The following ACOXL variants were observed in gnomAD, a reference collection of about 807,000 sequenced individuals.
The protein encoded by ACOXL is acyl-CoA oxidase like.
In ACOXL, 70 loss-of-function variants were observed where a neutral mutation model predicts 71.9. The ratio of observed to expected loss-of-function variants is 0.97; its 90% CI spans 0.80 to 1.19. ACOXL has a LOEUF of 1.19. ACOXL is among the 50% of genes most tolerant of loss of function. The pLI is 0.00. For missense variants in ACOXL, 703 were observed against 736.3 expected (o/e 0.95, Z 0.52); for synonymous variants, 253 against 281.6 (o/e 0.90, Z 1.02).
intron 16 of ACOXL, among the ~76,000 whole-genome samples, chr2:111,055,905 C>T (rs903010753): frequency 6.6e-6 from 1 of 152,162 alleles, no homozygotes; most frequent in Admixed American, 6.5e-5. Flanking sequence ...TTTCCCTCCA[C>T]CTTCTCTTAT....
chr2:110,931,467 A>G (rs2060476392), intron 11 of ACOXL, among the ~76,000 whole-genome samples: 1 of 152,182 alleles, frequency 6.6e-6, no homozygotes, highest in Admixed American at 6.5e-5. Context: ...AGCCCGGAGC[A>G]TGGGTGATGA....
At chr2:110,867,559 G>A (rs891923883) in intron 10 of ACOXL, among the ~76,000 whole-genome samples, 1 of 152,114 alleles carries the variant, frequency 6.6e-6, no homozygotes, top group South Asian at 2.1e-4. Flanking sequence ...TTTCTTGCAT[G>A]ATGAATAATC....
At chr2:110,956,153 C>G (rs772955070) in intron 12 of ACOXL, among the ~76,000 whole-genome samples, 1 of 151,976 alleles carries the variant, frequency 6.6e-6, no homozygotes, top group Non-Finnish European at 1.5e-5. Flanking sequence ...GTCTTGAACT[C>G]CTGACCTCGT....
chr2:110,772,682 A>G (rs949504525), intron 2 of ACOXL, among the ~76,000 whole-genome samples: 21 of 152,240 alleles, frequency 1.4e-4, no homozygotes, highest in Non-Finnish European at 1.6e-4. Flanking sequence ...CATGATCCAC[A>G]CGAGTGAGGG....
At chr2:110,980,351 C>T (rs534624148) in intron 12 of ACOXL, among the ~76,000 whole-genome samples, 3 of 152,206 alleles carry the variant, frequency 2.0e-5, no homozygotes, top group Admixed American at 2.0e-4. Flanking sequence ...CATGAAGTAG[C>T]CTGGGCAAGT....
chr2:110,993,373 A>T (rs1019544499), intron 13 of ACOXL, among the ~76,000 whole-genome samples: 3 of 152,238 alleles, frequency 2.0e-5, no homozygotes, highest in Non-Finnish European at 2.9e-5. Context: ...AGAACTTCAC[A>T]TAAACAGAAC....
intron 1 of ACOXL, among the ~76,000 whole-genome samples, chr2:110,764,610 T>C (rs1047708637): frequency 4.6e-5 from 7 of 152,172 alleles, no homozygotes; most frequent in Non-Finnish European, 7.4e-5. Flanking sequence ...CCACAGAATG[T>C]ACAATTCCAA....
intron 16 of ACOXL, among the ~76,000 whole-genome samples, chr2:111,085,923 A>G (rs545475266): frequency 7.2e-4 from 110 of 152,342 alleles, no homozygotes; most frequent in Middle Eastern, 6.8e-3. Context: ...ACCATCAGAG[A>G]CTACTATGAA....
At chr2:110,917,422 C>G (rs982181949) in intron 11 of ACOXL, among the ~76,000 whole-genome samples, 1 of 152,158 alleles carries the variant, frequency 6.6e-6, no homozygotes, top group Non-Finnish European at 1.5e-5. Context: ...TAAGGGCTAT[C>G]TATGACAAAC....
chr2:110,860,527 C>T (rs964113766), intron 10 of ACOXL, among the ~76,000 whole-genome samples: 1 of 152,174 alleles, frequency 6.6e-6, no homozygotes, highest in African/African-American at 2.4e-5. Context: ...TGGACCTTTT[C>T]GGAGTGGCCA....
rs1559269033 is a variant in ACOXL at position 110,793,696 on chromosome 2, G to GA, written c.208dup (p.Ser70LysfsTer3). 6.2e-7 allele frequency: 1 copy of GA among 1,614,162 alleles called. No individual in the cohort carries two copies. Among genetic ancestry groups the GA allele is most frequent in the Non-Finnish European group, 8.5e-7 (1 of 1,180,036 alleles). On this transcript the variant is annotated frameshift_variant, in exon 4 of 18. Coordinates refer to ENST00000439055, the MANE Select transcript of ACOXL (RefSeq NM_001142807.4). LOFTEE classifies it high-confidence loss of function. ...TTTGGTGGTGCTATCAGGAATCTCGGAAGCCCTGAACATGTTACTAAGTGG... is the reference window on the plus strand; with the variant it reads ...TTTGGTGGTGCTATCAGGAATCTCGGAAAGCCCTGAACATGTTACTAAGTGG...
intron 17 of ACOXL, among the ~76,000 whole-genome samples, chr2:111,105,367 A>G (rs2069464713): frequency 6.6e-6 from 1 of 152,032 alleles, no homozygotes; most frequent in African/African-American, 2.4e-5. Flanking sequence ...TTTACAACAA[A>G]TCTTTCTGGG....
chr2:110,918,611 C>G (rs1235018759), intron 11 of ACOXL, among the ~76,000 whole-genome samples: 1 of 152,128 alleles, frequency 6.6e-6, no homozygotes, highest in Non-Finnish European at 1.5e-5. Flanking sequence ...TCAGAGTGAA[C>G]AGGCAACCTA....
chr2:110,933,562 C>T lies in ACOXL; in HGVS notation c.979C>T (p.Leu327=), dbSNP rs1171600236. Residue 327 remains leucine, a synonymous_variant, in exon 12 of 18, where the codon CTG becomes TTG. Transcript: ENST00000439055. The part of the protein sequence containing the change: ...ELVNSRSLQA[L]VAGLKAYSTW... The stretch of plus-strand genomic sequence containing the variant: ...GGTCAACAGTCGCTCGCTGCAGGCT[C>T]TGGTGGCGGGGCTGAAGGCCTACAG... The T allele has an allele frequency of 6.2e-7, 1 of 1,614,166 alleles. No individual in the cohort carries two copies.
chr2:111,095,503 G>C (rs2068757650), intron 17 of ACOXL, among the ~76,000 whole-genome samples: 1 of 144,426 alleles, frequency 6.9e-6, no homozygotes, highest in South Asian at 2.2e-4. Context: ...GTGATTCCTT[G>C]CCTCAGCTTC....
intron 14 of ACOXL, among the ~76,000 whole-genome samples, chr2:111,014,748 A>G (rs1360284704): frequency 6.6e-6 from 1 of 152,264 alleles, no homozygotes; most frequent in Non-Finnish European, 1.5e-5. Flanking sequence ...TCAATAATAC[A>G]GACATGGTAC....
chr2:110,759,906 T>C (rs957052063), intron 1 of ACOXL, among the ~76,000 whole-genome samples: 13 of 152,086 alleles, frequency 8.5e-5, no homozygotes, highest in Non-Finnish European at 4.4e-5. Context: ...TCATCTAGGT[T>C]CTGTAAATTA....
intron 17 of ACOXL, chr2:111,102,041 C>T (rs1378692757): frequency 6.6e-6 from 1 of 152,666 alleles, no homozygotes; most frequent in Non-Finnish European, 1.5e-5. Context: ...ATGTGGGTGT[C>T]TCCTGTTCCA....
At chr2:110,803,459 G>C (rs959962313) in intron 8 of ACOXL, among the ~76,000 whole-genome samples, 1 of 152,146 alleles carries the variant, frequency 6.6e-6, no homozygotes, top group Non-Finnish European at 1.5e-5. Context: ...GGACAAACTA[G>C]ATAGCCACAT....
Sources: allele counts gnomAD v4.1 joint callset (sites outside exome capture counted in the v4.1 genomes callset), GRCh38; gene constraint gnomAD v4.1.1; transcripts MANE v1.5; gene names NCBI Gene and HGNC (gene_info 2026-07-23, HGNC 2026-07-21).